The following OCA2 variants were observed in gnomAD, a reference collection of about 807,000 sequenced individuals.
The protein encoded by OCA2 is P protein.
OCA2 carries 77 observed loss-of-function variants against 100.2 expected under a neutral mutation model. That is an observed-to-expected ratio of 0.77 (90% CI 0.64 to 0.93). The LOEUF (loss-of-function observed/expected upper bound fraction) is 0.93. OCA2 is among the 40% of genes least tolerant of loss of function. OCA2 has a pLI of 0.00. For missense variants in OCA2, 1,062 were observed against 1,089.1 expected (o/e 0.98, Z 0.35); for synonymous variants, 432 against 439.2 (o/e 0.98, Z 0.21).
At chr15:27,861,459 C>A (rs944103122) in intron 21 of OCA2, among the ~76,000 whole-genome samples, 2 of 151,990 alleles carry the variant, frequency 1.3e-5, no homozygotes, top group Non-Finnish European at 2.9e-5. Context: ...CCCCTGCAGC[C>A]GTGAGTCTAG....
At chr15:27,915,514 G>C (rs928711745) in intron 19 of OCA2, among the ~76,000 whole-genome samples, 2 of 152,028 alleles carry the variant, frequency 1.3e-5, no homozygotes, top group African/African-American at 4.8e-5. Context: ...AAATTTACAA[G>C]CAAAAAACAA....
chr15:27,894,550 G>A (rs148542472), intron 19 of OCA2, among the ~76,000 whole-genome samples: 1 of 152,270 alleles, frequency 6.6e-6, no homozygotes, highest in African/African-American at 2.4e-5. Context: ...CCTTTTCGAA[G>A]GAAAGAAAAG....
intron 15 of OCA2, among the ~76,000 whole-genome samples, chr15:27,962,411 G>C (rs1307810639): frequency 6.6e-6 from 1 of 152,176 alleles, no homozygotes; most frequent in African/African-American, 2.4e-5. Context: ...TACTTAGAGT[G>C]GCCACATACA....
intron 4 of OCA2, among the ~76,000 whole-genome samples, chr15:28,026,204 G>A (rs1322329989): frequency 6.6e-6 from 1 of 152,206 alleles, no homozygotes; most frequent in African/African-American, 2.4e-5. Context: ...TTTTAGTTCA[G>A]TGGCAAGCTC....
At chr15:28,036,650 T>C (rs2043051902) in intron 2 of OCA2, among the ~76,000 whole-genome samples, 1 of 152,220 alleles carries the variant, frequency 6.6e-6, no homozygotes, top group Non-Finnish European at 1.5e-5. Flanking sequence ...TGGTTCTTTC[T>C]AGATCAAAAC....
chr15:27,776,474 T>C (rs1213788336), intron 23 of OCA2: 2 of 152,258 alleles, frequency 1.3e-5, no homozygotes, highest in Admixed American at 6.5e-5. Context: ...CCAGGATGTG[T>C]TGAGTTACAT....
intron 19 of OCA2, among the ~76,000 whole-genome samples, chr15:27,898,541 G>T (rs1195096516): frequency 1.3e-5 from 2 of 152,180 alleles, no homozygotes; most frequent in African/African-American, 4.8e-5. Context: ...CAGACACAAA[G>T]AACTGTAAGT....
intron 23 of OCA2, among the ~76,000 whole-genome samples, chr15:27,803,453 C>T (rs1047902549): frequency 6.6e-5 from 10 of 152,036 alleles, no homozygotes; most frequent in Admixed American, 2.0e-4. Context: ...AGGACACTGG[C>T]GACATAAGGC....
intron 19 of OCA2, among the ~76,000 whole-genome samples, chr15:27,879,100 T>G (rs1283174902): frequency 6.6e-6 from 1 of 152,194 alleles, no homozygotes; most frequent in Non-Finnish European, 1.5e-5. Flanking sequence ...AATGAGAACA[T>G]GCAGAGCTTG....
chr15:27,898,054 G>T (rs1439697441), intron 19 of OCA2, among the ~76,000 whole-genome samples: 3 of 152,148 alleles, frequency 2.0e-5, no homozygotes, highest in African/African-American at 7.2e-5. Flanking sequence ...CCAAATGCTT[G>T]TACCCCCATT....
Position 28,014,836 on chromosome 15 carries a change from T to A in OCA2, c.984A>T (p.Glu328Asp). Residue 328 changes from glutamate (E) to aspartate (D), a missense_variant, in exon 9 of 24, where the codon GAA becomes GAT. Transcript: ENST00000354638. Reference sequence around the variant, plus strand: ...TGGCCGTCGCGATGGTCACCTGGGTTTCTACACTTCCGCGGAGGTACTGAT... The same window carrying A: ...TGGCCGTCGCGATGGTCACCTGGGTATCTACACTTCCGCGGAGGTACTGAT... ...MAHQYLRGSV[E>D]TQVTIATAIL... 1 of 1,614,060 alleles carries A rather than the reference T, an allele frequency of 6.2e-7. No individual in the cohort carries two copies. The highest frequency in any genetic ancestry group is 2.2e-5 in the East Asian group (1 of 44,854).
At chr15:27,768,260 C>A (rs1209247568) in intron 23 of OCA2, among the ~76,000 whole-genome samples, 1 of 152,238 alleles carries the variant, frequency 6.6e-6, no homozygotes, top group African/African-American at 2.4e-5. Context: ...GAAAAAAATT[C>A]TTCTATTACT....
At chr15:27,842,967 C>T (rs1025668541) in intron 23 of OCA2, among the ~76,000 whole-genome samples, 1 of 152,250 alleles carries the variant, frequency 6.6e-6, no homozygotes, top group Non-Finnish European at 1.5e-5. Flanking sequence ...GACGCAAACC[C>T]TTTCAGTTGG....
intron 2 of OCA2, among the ~76,000 whole-genome samples, chr15:28,060,550 A>G (rs543988418): frequency 6.6e-6 from 1 of 152,364 alleles, no homozygotes; most frequent in East Asian, 1.9e-4. Context: ...GGAATGGCAC[A>G]GAAAGGACGT....
intron 2 of OCA2, among the ~76,000 whole-genome samples, chr15:28,056,845 GCTGAGTGTC>G (rs1179132873): frequency 4.6e-5 from 7 of 152,348 alleles, no homozygotes; most frequent in Non-Finnish European, 1.0e-4. Context: ...GTACCACGAT[GCTGAGTGTC>G]TCTCTCGGAG....
chr15:27,961,001 C>T (rs1463384717), intron 15 of OCA2, among the ~76,000 whole-genome samples: 4 of 151,674 alleles, frequency 2.6e-5, no homozygotes, highest in African/African-American at 7.3e-5. Flanking sequence ...AAACTACCAT[C>T]AGAGTGAACA....
chr15:28,028,081 G>A (rs1258401126), intron 3 of OCA2, 22 bp from the exon 4 acceptor site: 4 of 1,613,188 alleles, frequency 2.5e-6, no homozygotes, highest in Non-Finnish European at 2.5e-6. Context: ...GAGAGGTGTG[G>A]TTATCTCTCC....
chr15:27,987,599 GGCGCCTGTAGTCCCA>G (rs1471373718), intron 11 of OCA2, among the ~76,000 whole-genome samples: 3 of 151,684 alleles, frequency 2.0e-5, no homozygotes, highest in Non-Finnish European at 4.4e-5. Flanking sequence ...TGGGGTGGCG[GGCGCCTGTAGTCCCA>G]GCTACTCAGG....
chr15:28,044,698 A>G (rs1017553101), intron 2 of OCA2, among the ~76,000 whole-genome samples: 2 of 152,214 alleles, frequency 1.3e-5, no homozygotes, highest in Non-Finnish European at 2.9e-5. Context: ...TCTGTTACTA[A>G]GTCCATATGC....
Sources: allele counts gnomAD v4.1 joint callset (sites outside exome capture counted in the v4.1 genomes callset), GRCh38; gene constraint gnomAD v4.1.1; transcripts MANE v1.5; gene names NCBI Gene and HGNC (gene_info 2026-07-23, HGNC 2026-07-21).